Variants in PIK3C2A observed in about 807,000 individuals in gnomAD.
The protein encoded by PIK3C2A is phosphatidylinositol 4-phosphate 3-kinase C2 domain-containing subunit alpha.
A neutral mutation model predicts 204.5 loss-of-function variants in PIK3C2A; 97 were observed. That is an observed-to-expected ratio of 0.47 (90% CI 0.40 to 0.56). The LOEUF is 0.56. Among genes scored for constraint, PIK3C2A ranks in the 20% least tolerant of loss-of-function variants. PIK3C2A has a pLI of 0.00. For synonymous variants in PIK3C2A, 653 were observed against 664.4 expected, an observed-to-expected ratio of 0.98 and a Z score of 0.26; for missense variants, 1,735 against 1,969.2, an observed-to-expected ratio of 0.88 and a Z score of 2.25.
Position 17,135,032 on chromosome 11 carries a change from A to G in PIK3C2A, c.1898-3T>C. On this transcript the variant is annotated splice_polypyrimidine_tract_variant and splice_region_variant and intron_variant, in intron 10 of 32. Coordinates refer to ENST00000691414, the MANE Select transcript of PIK3C2A (RefSeq NM_002645.4). ...AGGATTTTCAGGATTAAGTGAGCCT[A>G]GATTAAAGAAAAAAAAAGTTAATAG... 6.2e-7 allele frequency: 1 copy of G among 1,613,208 alleles called. No homozygotes were observed. The highest frequency in any genetic ancestry group is 8.5e-7 in the Non-Finnish European group (1 of 1,179,388).
intron 11 of PIK3C2A, among the ~76,000 whole-genome samples, chr11:17,132,423 G>A (rs1004891474): frequency 1.3e-4 from 20 of 149,510 alleles, no homozygotes; most frequent in African/African-American, 4.4e-4. Flanking sequence ...TCTGCTTCCC[G>A]GGTTCACGCC....
At chr11:17,201,452 G>C (rs1852372591) in intron 1 of PIK3C2A, among the ~76,000 whole-genome samples, 1 of 146,636 alleles carries the variant, frequency 6.8e-6, no homozygotes, top group Admixed American at 7.0e-5. Flanking sequence ...ACTTGAGCCT[G>C]GGAGGCAGAG....
chr11:17,106,942 G>A (rs1023237286), intron 22 of PIK3C2A, among the ~76,000 whole-genome samples: 2 of 152,198 alleles, frequency 1.3e-5, no homozygotes, highest in Admixed American at 1.3e-4. Context: ...TAAATCTCAA[G>A]TATATATTTT....
intron 26 of PIK3C2A, among the ~76,000 whole-genome samples, chr11:17,097,997 T>A (rs2137276368): frequency 6.6e-6 from 1 of 152,312 alleles, no homozygotes; most frequent in Admixed American, 6.5e-5. Flanking sequence ...AACTGTAGAA[T>A]TCAGTGTCAG....
intron 1 of PIK3C2A, among the ~76,000 whole-genome samples, chr11:17,203,842 G>T (rs1027346725): frequency 1.3e-5 from 2 of 152,156 alleles, no homozygotes; most frequent in Non-Finnish European, 1.5e-5. Context: ...GGAGGCCGAG[G>T]CGGGCAGATC....
At chr11:17,178,114 A>AAAAAAAAAAAAG (rs1565294473) in intron 1 of PIK3C2A, among the ~76,000 whole-genome samples, 14 of 73,224 alleles carry the variant, frequency 1.9e-4, no homozygotes, top group South Asian at 5.3e-4. Context: ...AAAAAAAAAG[A>AAAAAAAAAAAAG]AAAAAAAAAT....
At chr11:17,102,018 C>A (rs1455595243) in intron 24 of PIK3C2A, among the ~76,000 whole-genome samples, 1 of 152,138 alleles carries the variant, frequency 6.6e-6, no homozygotes, top group Non-Finnish European at 1.5e-5. Flanking sequence ...AATCCACATA[C>A]CCAAAGAGAT....
chr11:17,110,592 T>C, intron 21 of PIK3C2A, 31 bp from the exon 22 acceptor site: 3 of 1,590,666 alleles, frequency 1.9e-6, no homozygotes, highest in South Asian at 1.1e-5. Context: ...ATGAAACTTG[T>C]ACATCTCCAA....
intron 9 of PIK3C2A, 80 bp downstream of exon 9, chr11:17,136,402 T>A: frequency 9.6e-7 from 1 of 1,039,874 alleles, no homozygotes; most frequent in Non-Finnish European, 1.5e-6. Flanking sequence ...ATGACAATAT[T>A]TTGTCTAGGA....
chr11:17,169,564 T>C lies in PIK3C2A; in HGVS notation c.178A>G (p.Ser60Gly). The change falls in exon 2 of 33, where the codon AGC becomes GGC. Residue 60 changes from serine (S) to glycine (G), a missense_variant. By Grantham distance (56) the Ser-to-Gly change is moderately conservative (BLOSUM62 0). This residue lies in a region of PIK3C2A where 536 missense variants were observed against 546.7 expected (regional missense o/e 0.98). Coordinates refer to ENST00000691414, the MANE Select transcript of PIK3C2A (RefSeq NM_002645.4). Reference protein sequence around the residue: ...DNQRGFELSSSTRKKAQVYNK... With the variant: ...DNQRGFELSSGTRKKAQVYNK... ...TAAACCTGTGCTTTTTTTCTGGTGC[T>C]GCTTGACAACTCAAAGCCTCTCTGA... is the stretch of plus-strand genomic sequence containing the variant. 1 of 1,614,184 alleles carries C rather than the reference T, an allele frequency of 6.2e-7. No homozygotes were observed. The highest frequency in any genetic ancestry group is 8.5e-7 in the Non-Finnish European group (1 of 1,180,034).
At chr11:17,112,126 G>A (rs929671025) in intron 21 of PIK3C2A, among the ~76,000 whole-genome samples, 1 of 151,986 alleles carries the variant, frequency 6.6e-6, no homozygotes, top group African/African-American at 2.4e-5. Context: ...TCTTCATCCT[G>A]TCTTCAAAAT....
chr11:17,206,060 T>C lies in PIK3C2A; in HGVS notation c.-66+1788A>G, dbSNP rs565495900. Among the ~76,000 whole-genome samples, 4 of 152,152 alleles carry C rather than the reference T, an allele frequency of 2.6e-5. No individual in the cohort carries two copies. The East Asian group carries it at 7.7e-4, about 29-fold the overall frequency. ...ATCACTTGAACCCTGGAGGTGGAGG[T>C]TGCAGTGAGCTCTCGTGCCACTGCA... On this transcript the variant is annotated intron_variant, in intron 1 of 32. Transcript: ENST00000691414.
chr11:17,129,435 G>A lies in PIK3C2A; in HGVS notation c.2264C>T (p.Pro755Leu), dbSNP rs1244689951. The A allele has an allele frequency of 6.2e-7, 1 of 1,608,550 alleles. No homozygotes were observed. Among genetic ancestry groups the A allele is most frequent in the South Asian group, 1.1e-5 (1 of 90,906 alleles). ...IIFPIQISQL[P>L]LESVLHLTLF... ...AGTAAGGTGAAGAACTGATTCTAAT[G>A]GCAATTGTGATATCTGGATAGGAAA... Residue 755 changes from proline (P) to leucine (L), a missense_variant, in exon 13 of 33, where the codon CCA (proline) becomes CTA (leucine). Transcript: ENST00000691414.
intron 5 of PIK3C2A, 90 bp from the exon 6 acceptor site, chr11:17,147,718 T>C (rs1007605886): frequency 3.0e-6 from 2 of 656,054 alleles, no homozygotes; most frequent in African/African-American, 3.7e-5. Flanking sequence ...GCATCAGAAA[T>C]TGAAGAGAAT....
intron 8 of PIK3C2A, among the ~76,000 whole-genome samples, chr11:17,143,323 G>A (rs1289953815): frequency 6.6e-6 from 1 of 151,806 alleles, no homozygotes; most frequent in Admixed American, 6.6e-5. Flanking sequence ...ACTTCTCCAT[G>A]CTCTTTATCT....
Position 17,169,625 on chromosome 11 carries a change from TA to T in PIK3C2A, c.116del (p.Leu39Ter), listed in dbSNP as rs764473331. 6.2e-7 allele frequency: 1 copy of T among 1,613,992 alleles called. No homozygotes were observed. The highest frequency in any genetic ancestry group is 8.5e-7 in the Non-Finnish European group (1 of 1,179,982). ...CTTGTCTATCCTTTTGCAGTTTTGC[TA>T]AAGCCTCTGCTTCCATCTGTAATGC... is the stretch of plus-strand genomic sequence containing the variant. ...EEALQMEAEALAKLQKDRQVT... is the reference protein window; with the variant it reads ...EEALQMEAEAXAKLQKDRQVT... On this transcript the variant is annotated frameshift_variant, in exon 2 of 33. Coordinates refer to ENST00000691414, the MANE Select transcript of PIK3C2A (RefSeq NM_002645.4). LOFTEE classifies it high-confidence loss of function.
In PIK3C2A at chr11:17,129,296, T is replaced by C; in HGVS notation, c.2399+4A>G. 6.2e-7 allele frequency: 1 copy of C among 1,612,040 alleles called. No individual in the cohort carries two copies. Among genetic ancestry groups the C allele is most frequent in the Non-Finnish European group, 8.5e-7 (1 of 1,178,308 alleles). On this transcript the variant is annotated splice_donor_region_variant and intron_variant, in intron 13 of 32. Coordinates refer to ENST00000691414, the MANE Select transcript of PIK3C2A (RefSeq NM_002645.4). ...ACTCACCATTACAATTCGGTAATAC[T>C]TACCGTTTAAAGTCAAAAAGAGGTA... is the stretch of plus-strand genomic sequence containing the variant.
chr11:17,099,998 G>C (rs779319239), intron 25 of PIK3C2A, 29 bp from the exon 26 acceptor site: 1 of 1,109,412 alleles, frequency 9.0e-7, no homozygotes, highest in Admixed American at 1.9e-5. Flanking sequence ...AGTTCTGTGA[G>C]TTAAATTTTT....
rs201770470 is a variant in PIK3C2A, at chr11:17,105,300, C to T, written c.3550G>A (p.Val1184Met). The T allele has an allele frequency of 1.2e-6, 2 of 1,607,456 alleles. No homozygotes were observed. The highest frequency in any genetic ancestry group is 4.5e-5 in the East Asian group (2 of 44,728). ...GTATCGGAAGCAGGAACCAGCTCCA[C>T]CATGCCTTTAATGATAAAATATTAA... ...CLSTGRDRGM[V>M]ELVPASDTLR... Residue 1184 changes from valine (V) to methionine (M), a missense_variant, in exon 23 of 33, where the codon GTG becomes ATG. By Grantham distance (21) the Val-to-Met change is conservative (BLOSUM62 1). Transcript: ENST00000691414.
Sources: gnomAD v4.1 joint callset for allele counts (sites outside exome capture counted in the v4.1 genomes callset) on GRCh38, gnomAD v4.1.1 for gene constraint, gnomAD v4.1.1 regional missense constraint, MANE v1.5 for transcripts, NCBI Gene and HGNC (gene_info 2026-07-23, HGNC 2026-07-21) for gene names.